The following ERBB4 variants were observed in gnomAD, a reference collection of about 807,000 sequenced individuals.
The protein encoded by ERBB4 is receptor tyrosine-protein kinase erbB-4.
ERBB4 carries 42 observed loss-of-function variants against 158.0 expected under a neutral mutation model. The ratio of observed to expected loss-of-function variants is 0.27; its 90% CI spans 0.21 to 0.34. The LOEUF is 0.34. Ranked by LOEUF, ERBB4 falls within the 10% of genes least tolerant of loss-of-function variation. ERBB4 has a pLI of 1.00. For missense variants in ERBB4, 1,333 were observed against 1,624.1 expected (o/e 0.82, Z 3.08); for synonymous variants, 583 against 558.7 (o/e 1.04, Z -0.61).
chr2:211,421,920 TC>T, intron 24 of ERBB4, 86 bp downstream of exon 24: 1 of 828,150 alleles, frequency 1.2e-6, no homozygotes, highest in South Asian at 1.4e-5. Flanking sequence ...TGTGGTCCTT[TC>T]CACAGTTCCA....
At chr2:212,097,572 G>A (rs2078966997) in intron 2 of ERBB4, among the ~76,000 whole-genome samples, 1 of 152,086 alleles carries the variant, frequency 6.6e-6, no homozygotes, top group Admixed American at 6.5e-5. Context: ...ACAGAAAGGA[G>A]ATGCATTGTG....
chr2:211,783,428 G>A (rs905684796), intron 4 of ERBB4, among the ~76,000 whole-genome samples: 1 of 152,208 alleles, frequency 6.6e-6, no homozygotes, highest in African/African-American at 2.4e-5. Flanking sequence ...GTGAGAGAGG[G>A]CATCCCTGTC....
intron 2 of ERBB4, among the ~76,000 whole-genome samples, chr2:212,111,345 C>T (rs1575648274): frequency 6.6e-6 from 1 of 152,282 alleles, no homozygotes; most frequent in Non-Finnish European, 1.5e-5. Context: ...TAACGCCATA[C>T]CCATACAAGT....
At chr2:211,672,149 A>G (rs1201607899) in intron 14 of ERBB4, among the ~76,000 whole-genome samples, 1 of 152,112 alleles carries the variant, frequency 6.6e-6, no homozygotes. Context: ...TCAATGATAT[A>G]TATATTTTTT....
intron 20 of ERBB4, among the ~76,000 whole-genome samples, chr2:211,464,326 C>A (rs761841901): frequency 1.3e-5 from 2 of 152,164 alleles, no homozygotes; most frequent in Non-Finnish European, 2.9e-5. Context: ...TGAGGCACTG[C>A]GTAGAGTTAT....
chr2:212,181,653 T>C (rs1358250687), intron 1 of ERBB4, among the ~76,000 whole-genome samples: 1 of 151,806 alleles, frequency 6.6e-6, no homozygotes, highest in Non-Finnish European at 1.5e-5. Context: ...AATTATGTCA[T>C]ATAAAAAATA....
intron 25 of ERBB4, among the ~76,000 whole-genome samples, chr2:211,399,981 A>G (rs1559130097): frequency 6.6e-6 from 1 of 152,172 alleles, no homozygotes; most frequent in Non-Finnish European, 1.5e-5. Context: ...CCATTTTAAA[A>G]TTTTCAAAAA....
At position 211,947,084 on chromosome 2, in the gene ERBB4, T is replaced by G. The variant is rs188379997; in HGVS notation, c.421+346A>C. On this transcript the variant is annotated intron_variant, in intron 3 of 27. Coordinates refer to ENST00000342788, the MANE Select transcript of ERBB4 (RefSeq NM_005235.3). ...CTTGGATATTACTAAGCGCTAATGA[T>G]AGTTATCTCATTATTGCAAGGATTT... Among the ~76,000 whole-genome samples the G allele has an allele frequency of 9.4e-4, 143 of 152,234 alleles. 1 individual carries two copies. The highest frequency in any genetic ancestry group is 3.1e-3 in the African/African-American group (129 of 41,558).
At chr2:212,411,188 A>C (rs1373822377) in intron 1 of ERBB4, among the ~76,000 whole-genome samples, 2 of 152,136 alleles carry the variant, frequency 1.3e-5, no homozygotes, top group Non-Finnish European at 2.9e-5. Context: ...TTAATTGATC[A>C]GATATGGAGA....
chr2:212,169,636 G>T (rs1169104220), intron 1 of ERBB4, among the ~76,000 whole-genome samples: 1 of 152,150 alleles, frequency 6.6e-6, no homozygotes, highest in Non-Finnish European at 1.5e-5. Context: ...TTGGCTCTGT[G>T]TTACCATCAA....
intron 2 of ERBB4, among the ~76,000 whole-genome samples, chr2:212,031,376 A>T (rs889631614): frequency 6.6e-6 from 1 of 152,180 alleles, no homozygotes; most frequent in Admixed American, 6.6e-5. Context: ...TTTAAAACAT[A>T]ACATATATTA....
At chr2:212,362,634 G>C (rs989662656) in intron 1 of ERBB4, among the ~76,000 whole-genome samples, 1 of 150,566 alleles carries the variant, frequency 6.6e-6, no homozygotes, top group Non-Finnish European at 1.5e-5. Context: ...TTTATAAATT[G>C]CCATATTTCA....
chr2:212,363,135 T>A (rs1019046597), intron 1 of ERBB4, among the ~76,000 whole-genome samples: 1 of 151,458 alleles, frequency 6.6e-6, no homozygotes, highest in Non-Finnish European at 1.5e-5. Flanking sequence ...ATTTAAATTT[T>A]TAAATTTAAA....
intron 2 of ERBB4, among the ~76,000 whole-genome samples, chr2:212,113,084 T>A (rs1212735380): frequency 6.6e-6 from 1 of 152,116 alleles, no homozygotes; most frequent in Non-Finnish European, 1.5e-5. Context: ...TTAATTCTGC[T>A]TGTCTTGATG....
intron 3 of ERBB4, among the ~76,000 whole-genome samples, chr2:211,942,891 T>C (rs1158400424): frequency 6.6e-6 from 1 of 152,136 alleles, no homozygotes; most frequent in African/African-American, 2.4e-5. Flanking sequence ...GTGATAAATA[T>C]AGGTATATGT....
chr2:211,779,182 T>A (rs761775001), intron 4 of ERBB4: 1 of 152,208 alleles, frequency 6.6e-6, no homozygotes, highest in Admixed American at 6.5e-5. Context: ...CCTACTGGCA[T>A]CAAGGTCTTT....
At chr2:211,679,971 C>A (rs921120360) in intron 12 of ERBB4, among the ~76,000 whole-genome samples, 1 of 152,148 alleles carries the variant, frequency 6.6e-6, no homozygotes, top group Admixed American at 6.5e-5. Context: ...TGAGGCACTG[C>A]GCCAACCAAA....
At chr2:211,931,718 C>A (rs17414466) in intron 3 of ERBB4, among the ~76,000 whole-genome samples, 35,393 of 151,916 alleles carry the variant, frequency 0.23, 5,644 homozygotes, top group Non-Finnish European at 0.35. Context: ...AATGAGAATA[C>A]GAATCTTCTG....
chr2:212,502,549 G>A (rs10178687), intron 1 of ERBB4, among the ~76,000 whole-genome samples: 27,753 of 151,962 alleles, frequency 0.18, 2,784 homozygotes, highest in African/African-American at 0.24. Flanking sequence ...AAATCTCTCT[G>A]ATGCAACAGA....
Sources: allele counts gnomAD v4.1 joint callset (sites outside exome capture counted in the v4.1 genomes callset), GRCh38; gene constraint gnomAD v4.1.1; transcripts MANE v1.5; gene names NCBI Gene and HGNC (gene_info 2026-07-23, HGNC 2026-07-21).